The following AKR1B15 variants were observed in gnomAD, a reference collection of about 807,000 sequenced individuals.
AKR1B15 encodes the protein estradiol 17-beta-dehydrogenase AKR1B15.
A neutral mutation model predicts 38.5 loss-of-function variants in AKR1B15; 49 were observed. The observed-to-expected ratio is 1.27, with a 90% CI of 1.01 to 1.62. The LOEUF (loss-of-function observed/expected upper bound fraction) is 1.62. Ranked by LOEUF, AKR1B15 falls within the 40% of genes most tolerant of loss-of-function variation. The pLI is 0.00. For missense variants in AKR1B15, 411 were observed against 381.6 expected (o/e 1.08, Z -0.64); for synonymous variants, 137 against 135.5 (o/e 1.01, Z -0.08).
intron 3 of AKR1B15, among the ~76,000 whole-genome samples, chr7:134,567,118 G>A (rs1005888161): frequency 5.9e-5 from 9 of 152,190 alleles, no homozygotes; most frequent in African/African-American, 2.2e-4. Flanking sequence ...CTAGATGCCA[G>A]GTGGCAGCCC....
Position 134,571,633 on chromosome 7 carries a change from T to G in AKR1B15, c.465T>G (p.Asp155Glu). 2 of 1,613,762 alleles carry G rather than the reference T, an allele frequency of 1.2e-6. No individual in the cohort carries two copies. Among genetic ancestry groups the G allele is most frequent in the South Asian group, 2.2e-5 (2 of 90,998 alleles). The change falls in exon 6 of 12, where the codon GAT becomes GAG. Residue 155 changes from aspartate to glutamate, a missense_variant. Coordinates refer to ENST00000457545, the MANE Select transcript of AKR1B15 (RefSeq NM_001080538.3). Reference protein sequence around the residue: ...KTGDDFFPKDDKGNMISGKGT... With the variant: ...KTGDDFFPKDEKGNMISGKGT... ...GGGATGACTTTTTCCCCAAAGATGA[T>G]AAAGGTAATATGATCAGTGGAAAAG...
rs778060481 is a variant in AKR1B15 at position 134,575,835 on chromosome 7, A to G, written c.651A>G (p.Pro217=). 10 of 1,613,710 alleles carry G rather than the reference A, an allele frequency of 6.2e-6. No homozygotes were observed. The African/African-American group carries it at 1.2e-4, about 19-fold the overall frequency. The change falls in exon 8 of 12, where the codon CCA becomes CCG. Residue 217 remains proline (P), a synonymous_variant. Transcript: ENST00000457545. The part of the protein sequence containing the change: ...KPVTNQVECH[P]YLTQEKLIQY... ...TGCTGTTGCAGGTTGAGTGTCACCC[A>G]TACCTCACGCAGGAGAAACTGATCC...
chr7:134,566,064 C>G (rs114338705), intron 3 of AKR1B15, among the ~76,000 whole-genome samples: 9 of 152,100 alleles, frequency 5.9e-5, no homozygotes, highest in Admixed American at 3.3e-4. Flanking sequence ...GAGATCCAGA[C>G]GAGAGGACTG....
rs754331077 is a variant in AKR1B15, at chr7:134,569,497, G to A, written c.403G>A (p.Val135Ile). Residue 135 changes from valine (V) to isoleucine (I), a missense_variant, in exon 5 of 12, where the codon GTC becomes ATC. Coordinates refer to ENST00000457545, the MANE Select transcript of AKR1B15 (RefSeq NM_001080538.3). ...GGACCTGAAGCTGAGCTATCTGGAC[G>A]TCTATCTTATTCACTGGCCACAGGG... ...LKDLKLSYLD[V>I]YLIHWPQGFK... 4.1e-5 allele frequency: 66 copies of A among 1,613,924 alleles called. 1 individual carries two copies. The Middle Eastern group carries it at 1.3e-3, about 32-fold the overall frequency.
intron 6 of AKR1B15, among the ~76,000 whole-genome samples, chr7:134,574,263 C>G (rs1282848394): frequency 6.6e-6 from 1 of 152,184 alleles, no homozygotes; most frequent in Non-Finnish European, 1.5e-5. Context: ...AAAGTGTTCC[C>G]TGAACATGTC....
At chr7:134,572,118 G>T (rs1794681075) in intron 6 of AKR1B15, among the ~76,000 whole-genome samples, 1 of 152,122 alleles carries the variant, frequency 6.6e-6, no homozygotes, top group Non-Finnish European at 1.5e-5. Context: ...ACTTAAGATG[G>T]TTTACGTGCC....
At chr7:134,574,434 A>G (rs928089698) in intron 6 of AKR1B15, among the ~76,000 whole-genome samples, 6 of 151,748 alleles carry the variant, frequency 4.0e-5, no homozygotes, top group Admixed American at 2.6e-4. Flanking sequence ...TCCCCTGACA[A>G]CTGCGGGCTG....
At position 134,575,211 on chromosome 7, in the gene AKR1B15, T is replaced by C. The variant is rs528114458; in HGVS notation, c.514-209T>C. Among the ~76,000 whole-genome samples, 18 of 152,302 alleles carry C rather than the reference T, an allele frequency of 1.2e-4. No individual in the cohort carries two copies. In the South Asian group the frequency reaches 3.5e-3, roughly 30 times the overall value. ...AACATAAAATCTTTACCTGTTAGTT[T>C]TAGATTTTCTTGGGCTGGGGAGGGG... On this transcript the variant is annotated intron_variant, in intron 6 of 11. Transcript: ENST00000457545.
intron 11 of AKR1B15, among the ~76,000 whole-genome samples, chr7:134,579,025 T>C (rs1271044136): frequency 6.6e-6 from 1 of 152,246 alleles, no homozygotes; most frequent in African/African-American, 2.4e-5. Flanking sequence ...GCAAATTTCT[T>C]AGTTTTTCTA....
At chr7:134,563,479 C>G (rs923207667) in intron 2 of AKR1B15, among the ~76,000 whole-genome samples, 1 of 152,116 alleles carries the variant, frequency 6.6e-6, no homozygotes, top group African/African-American at 2.4e-5. Flanking sequence ...ACCTGGGAGA[C>G]AGAGGTTGCA....
At chr7:134,552,947 C>T (rs950304686) in intron 1 of AKR1B15, among the ~76,000 whole-genome samples, 8 of 152,126 alleles carry the variant, frequency 5.3e-5, no homozygotes, top group Admixed American at 2.0e-4. Flanking sequence ...AGTATGTAGA[C>T]GACCTGTTAT....
intron 1 of AKR1B15, among the ~76,000 whole-genome samples, chr7:134,555,149 C>T (rs1370228368): frequency 6.6e-6 from 1 of 152,184 alleles, no homozygotes; most frequent in Non-Finnish European, 1.5e-5. Flanking sequence ...AGAAATCTCA[C>T]AAGCTAACTT....
intron 3 of AKR1B15, chr7:134,565,418 A>C: frequency 6.2e-7 from 1 of 1,610,622 alleles, no homozygotes; most frequent in Non-Finnish European, 8.5e-7. Flanking sequence ...GAAGGAACCA[A>C]CTCTGGACAC....
At chr7:134,562,278 A>G (rs944656412) in intron 2 of AKR1B15, among the ~76,000 whole-genome samples, 8 of 152,192 alleles carry the variant, frequency 5.3e-5, no homozygotes, top group Non-Finnish European at 1.0e-4. Context: ...TTTATTTTGA[A>G]CAGCGGAAGA....
intron 4 of AKR1B15, among the ~76,000 whole-genome samples, chr7:134,568,568 C>T (rs558492677): frequency 2.6e-5 from 4 of 152,334 alleles, no homozygotes; most frequent in African/African-American, 9.6e-5. Flanking sequence ...CCCTCTGGGC[C>T]TCCCTGTTCC....
intron 5 of AKR1B15, chr7:134,570,489 T>C (rs1340369871): frequency 6.6e-6 from 1 of 152,182 alleles, no homozygotes; most frequent in African/African-American, 2.4e-5. Context: ...GAGGGCATCA[T>C]GGAACCTGCC....
chr7:134,550,631 T>C (rs1320053971), intron 1 of AKR1B15, among the ~76,000 whole-genome samples: 1 of 152,200 alleles, frequency 6.6e-6, no homozygotes, highest in Non-Finnish European at 1.5e-5. Context: ...TCTGATACCA[T>C]AGCCTCCCAG....
chr7:134,569,323 TG>T lies in AKR1B15; in HGVS notation c.319-89del, dbSNP rs1794614652. The T allele has an allele frequency of 2.2e-5, 33 of 1,486,488 alleles. No homozygotes were observed. The South Asian group carries it at 3.7e-4, about 17-fold the overall frequency. 92.1% of individuals were successfully genotyped at this position (1,486,488 alleles called of 1,614,324 possible). ...TATAGATGGCCTGAGCCAGGTTAGA[TG>T]AGGATGCAAATCAAAAAGCAGGGAC... On this transcript the variant is annotated intron_variant, in intron 4 of 11. Coordinates refer to ENST00000457545, the MANE Select transcript of AKR1B15 (RefSeq NM_001080538.3).
chr7:134,565,976 C>G (rs1351639188), intron 3 of AKR1B15, among the ~76,000 whole-genome samples: 1 of 152,072 alleles, frequency 6.6e-6, no homozygotes, highest in East Asian at 1.9e-4. Context: ...CTAGCAGCAT[C>G]CCTATGACCT....
Sources: gnomAD v4.1 joint callset for allele counts (sites outside exome capture counted in the v4.1 genomes callset) on GRCh38, gnomAD v4.1.1 for gene constraint, MANE v1.5 for transcripts, NCBI Gene and HGNC (gene_info 2026-07-23, HGNC 2026-07-21) for gene names.